Variants in CDKAL1 observed in about 807,000 individuals in gnomAD.
The protein encoded by CDKAL1 is threonylcarbamoyladenosine tRNA methylthiotransferase.
Under a neutral mutation model 68.2 loss-of-function variants are expected in CDKAL1, and 32 were observed. The observed-to-expected ratio is 0.47, with a 90% confidence interval of 0.35 to 0.63. The LOEUF is 0.63. CDKAL1 is among the 30% of genes least tolerant of loss of function. The pLI is 0.00. For missense variants in CDKAL1, 606 were observed against 696.7 expected (o/e 0.87, Z 1.47); for synonymous variants, 234 against 244.3 (o/e 0.96, Z 0.39).
chr6:20,963,164 C>T (rs1765138142), intron 10 of CDKAL1, among the ~76,000 whole-genome samples: 2 of 152,120 alleles, frequency 1.3e-5, no homozygotes, highest in Admixed American at 6.5e-5. Context: ...TCTTGCCTGC[C>T]AAAGGATCTA....
intron 13 of CDKAL1, among the ~76,000 whole-genome samples, chr6:21,144,293 G>A (rs1776058572): frequency 1.3e-5 from 2 of 152,164 alleles, no homozygotes; most frequent in African/African-American, 2.4e-5. Context: ...AGTTGTGAAG[G>A]TCAAATGCAA....
At chr6:20,805,524 T>G (rs1030458027) in intron 8 of CDKAL1, among the ~76,000 whole-genome samples, 2 of 152,240 alleles carry the variant, frequency 1.3e-5, no homozygotes, top group Non-Finnish European at 2.9e-5. Context: ...GGAGTGAGGA[T>G]TACTTTGTTA....
chr6:21,169,753 C>T (rs1270918083), intron 13 of CDKAL1, among the ~76,000 whole-genome samples: 1 of 152,176 alleles, frequency 6.6e-6, no homozygotes, highest in Non-Finnish European at 1.5e-5. Context: ...AATCGACTTA[C>T]AATTCCACAT....
chr6:21,064,807 A>G (rs1221448256), intron 11 of CDKAL1, among the ~76,000 whole-genome samples: 1 of 152,232 alleles, frequency 6.6e-6, no homozygotes, highest in Non-Finnish European at 1.5e-5. Flanking sequence ...ATTTTTAAAT[A>G]TAGAGGAAAG....
chr6:20,544,595 CAAAAAAAA>C (rs747920604), intron 2 of CDKAL1, among the ~76,000 whole-genome samples: 1 of 56,720 alleles, frequency 1.8e-5, no homozygotes, highest in African/African-American at 6.8e-5. Flanking sequence ...AACTCCGTCT[CAAAAAAAA>C]AAAAAAAAAA....
intron 8 of CDKAL1, among the ~76,000 whole-genome samples, chr6:20,797,474 C>T (rs1283338316): frequency 1.3e-5 from 2 of 152,178 alleles, no homozygotes; most frequent in South Asian, 2.1e-4. Context: ...TATCATATGA[C>T]GAACGTCCTA....
chr6:21,151,464 T>A (rs2151049506), intron 13 of CDKAL1, among the ~76,000 whole-genome samples: 1 of 152,354 alleles, frequency 6.6e-6, no homozygotes, highest in Middle Eastern at 3.4e-3. Context: ...CAAAGCCCTG[T>A]GACCTGTTTT....
chr6:20,684,607 A>T (rs1162559788), intron 5 of CDKAL1, among the ~76,000 whole-genome samples: 1 of 152,248 alleles, frequency 6.6e-6, no homozygotes, highest in African/African-American at 2.4e-5. Flanking sequence ...ACTGTCTTCC[A>T]AGTGACTGTA....
chr6:20,985,899 C>T (rs201351), intron 10 of CDKAL1, among the ~76,000 whole-genome samples: 13,327 of 151,490 alleles, frequency 0.088, 716 homozygotes, highest in Middle Eastern at 0.17. Flanking sequence ...CTTTTACCTT[C>T]TTTCTCATTT....
chr6:20,917,933 C>A (rs559638628), intron 9 of CDKAL1, among the ~76,000 whole-genome samples: 2 of 152,082 alleles, frequency 1.3e-5, no homozygotes, highest in Non-Finnish European at 2.9e-5. Context: ...ATGAAAGGGG[C>A]CTAAGACTCT....
chr6:21,216,475 A>G (rs1779342193), intron 15 of CDKAL1, among the ~76,000 whole-genome samples: 1 of 152,090 alleles, frequency 6.6e-6, no homozygotes, highest in Non-Finnish European at 1.5e-5. Context: ...CTCCAGAAAA[A>G]AAATAATAAT....
At chr6:20,883,440 T>C (rs1389946377) in intron 9 of CDKAL1, among the ~76,000 whole-genome samples, 1 of 152,230 alleles carries the variant, frequency 6.6e-6, no homozygotes, top group Non-Finnish European at 1.5e-5. Context: ...TGAATGTGGG[T>C]GGAACCTGTG....
intron 9 of CDKAL1, among the ~76,000 whole-genome samples, chr6:20,877,001 T>G (rs755820614): frequency 5.3e-5 from 8 of 152,226 alleles, no homozygotes; most frequent in Non-Finnish European, 1.2e-4. Flanking sequence ...CACTTTTATT[T>G]AACACATAGT....
At chr6:20,585,508 G>T (rs994765055) in intron 4 of CDKAL1, among the ~76,000 whole-genome samples, 2 of 152,110 alleles carry the variant, frequency 1.3e-5, no homozygotes, top group East Asian at 1.9e-4. Context: ...CTCTACGGAG[G>T]CCCTTTTACT....
chr6:20,854,934 C>A (rs1189407109), intron 9 of CDKAL1, among the ~76,000 whole-genome samples: 1 of 152,178 alleles, frequency 6.6e-6, no homozygotes, highest in Non-Finnish European at 1.5e-5. Flanking sequence ...GCCATAATCA[C>A]ACATGTGGTT....
At chr6:20,560,122 A>C (rs1764210547) in intron 4 of CDKAL1, among the ~76,000 whole-genome samples, 1 of 152,222 alleles carries the variant, frequency 6.6e-6, no homozygotes, top group Admixed American at 6.5e-5. Flanking sequence ...AGAGATGGCA[A>C]TATTGCATTA....
At chr6:21,077,135 T>TAC (rs66631553) in intron 12 of CDKAL1, among the ~76,000 whole-genome samples, 64,416 of 151,842 alleles carry the variant, frequency 0.42, 14,134 homozygotes, top group East Asian at 0.66. Context: ...CTTTTCAACC[T>TAC]ATATATATAG....
chr6:20,568,132 C>T (rs921551302), intron 4 of CDKAL1, among the ~76,000 whole-genome samples: 6 of 152,178 alleles, frequency 3.9e-5, no homozygotes, highest in East Asian at 2.0e-4. Flanking sequence ...CTGCCTCTGC[C>T]TCCCAAAGCG....
chr6:20,892,943 C>A (rs1761485097), intron 9 of CDKAL1, among the ~76,000 whole-genome samples: 1 of 152,206 alleles, frequency 6.6e-6, no homozygotes, highest in Non-Finnish European at 1.5e-5. Flanking sequence ...CTCCTAGTGA[C>A]AGGTTCACAA....
Sources: gnomAD v4.1 joint callset for allele counts (sites outside exome capture counted in the v4.1 genomes callset) on GRCh38, gnomAD v4.1.1 for gene constraint, MANE v1.5 for transcripts, NCBI Gene and HGNC (gene_info 2026-07-23, HGNC 2026-07-21) for gene names.